The following PIH1D2 variants were observed in gnomAD, a reference collection of about 807,000 sequenced individuals.
The protein encoded by PIH1D2 is PIH1 domain-containing protein 2.
Under a neutral mutation model 31.2 loss-of-function variants are expected in PIH1D2, and 25 were observed. The observed-to-expected ratio is 0.80, with a 90% CI of 0.58 to 1.12. PIH1D2 has a LOEUF of 1.12. Among genes scored for constraint, PIH1D2 ranks in the 50% most tolerant of loss-of-function variants. The probability of loss-of-function intolerance (pLI) is 0.00; values close to 1 mark genes in which losing one functional copy is unlikely to be tolerated. For synonymous variants in PIH1D2, 116 were observed against 119.9 expected, an observed-to-expected ratio of 0.97 and a Z score of 0.21; for missense variants, 310 against 356.6, an observed-to-expected ratio of 0.87 and a Z score of 1.05.
At chr11:112,059,554 A>T (rs1290030261), downstream of PIH1D2, among the ~76,000 whole-genome samples, 54 of 151,984 alleles carry the variant, frequency 3.6e-4, no homozygotes, top group Admixed American at 3.5e-3. Context: ...CACCATGCCC[A>T]GCTAACTTTT....
chr11:112,064,364 T>C (rs1864824998), downstream of PIH1D2: 2 of 664,810 alleles, frequency 3.0e-6, no homozygotes, highest in Non-Finnish European at 4.7e-6. Flanking sequence ...CATATGATTA[T>C]TTAAAAATTA....
downstream of PIH1D2, chr11:112,061,101 A>C: frequency 6.2e-7 from 1 of 1,613,968 alleles, no homozygotes; most frequent in Non-Finnish European, 8.5e-7. Flanking sequence ...TGCTATTATT[A>C]ACCCACCTCA....
chr11:112,055,961 G>A, the PIH1D2 span, among the ~76,000 whole-genome samples: 1 of 136,786 alleles, frequency 7.3e-6, no homozygotes, highest in African/African-American at 2.7e-5. Context: ...TCCGCCTCCC[G>A]GGTTCAAGCG....
downstream of PIH1D2, among the ~76,000 whole-genome samples, chr11:112,064,613 G>C (rs1362603437): frequency 1.3e-5 from 2 of 152,160 alleles, no homozygotes; most frequent in East Asian, 3.9e-4. Flanking sequence ...TATCAAGATG[G>C]AAAGTGTGGT....
chr11:112,056,281 A>T, the PIH1D2 span, among the ~76,000 whole-genome samples: 1 of 152,154 alleles, frequency 6.6e-6, no homozygotes, highest in African/African-American at 2.4e-5. Context: ...AGTCTTTACC[A>T]CAATCTAATT....
downstream of PIH1D2, among the ~76,000 whole-genome samples, chr11:112,066,218 G>T (rs186735620): frequency 1.1e-4 from 16 of 152,232 alleles, no homozygotes; most frequent in Admixed American, 9.1e-4. Context: ...GTATAAATTG[G>T]ATAGTTGGTA....
chr11:112,071,385 A>G, intron 3 of PIH1D2, 102 bp from the exon 4 acceptor site: 1 of 1,418,968 alleles, frequency 7.0e-7, no homozygotes, highest in Non-Finnish European at 9.5e-7. Flanking sequence ...GCTAGAGAAT[A>G]TTCCTGTATT....
intron 5 of PIH1D2, among the ~76,000 whole-genome samples, chr11:112,068,457 G>A (rs782776091): frequency 2.6e-5 from 4 of 152,134 alleles, no homozygotes; most frequent in Non-Finnish European, 5.9e-5. Context: ...CAAGAAAGAT[G>A]AGCTTAGAAT....
At chr11:112,070,405 AC>A in intron 5 of PIH1D2, 30 bp downstream of exon 5, 1 of 1,600,076 alleles carries the variant, frequency 6.2e-7, no homozygotes, top group Non-Finnish European at 8.6e-7. Flanking sequence ...GCTGGCCAAT[AC>A]AAATTTACAG....
At chr11:112,066,882 G>T (rs587683290), downstream of PIH1D2, among the ~76,000 whole-genome samples, 1 of 152,172 alleles carries the variant, frequency 6.6e-6, no homozygotes, top group South Asian at 2.1e-4. Context: ...GGCCAACATG[G>T]TGAAACCCTT....
downstream of PIH1D2, chr11:112,061,090 C>T (rs782055677): frequency 5.0e-6 from 8 of 1,613,478 alleles, no homozygotes; most frequent in South Asian, 8.8e-5. Flanking sequence ...AAGAATTTCT[C>T]TGCTATTATT....
chr11:112,057,530 T>C, the PIH1D2 span, among the ~76,000 whole-genome samples: 1 of 152,252 alleles, frequency 6.6e-6, no homozygotes, highest in Non-Finnish European at 1.5e-5. Context: ...TTGTTGCTGA[T>C]ACGGAGAAAG....
intron 2 of PIH1D2, 114 bp downstream of exon 2, chr11:112,072,884 C>CAAAAAA: frequency 5.4e-6 from 5 of 926,846 alleles, no homozygotes; most frequent in Non-Finnish European, 7.2e-6. Flanking sequence ...CAAAACAAAA[C>CAAAAAA]AAAACAAAAA....
intron 3 of PIH1D2, 66 bp from the exon 4 acceptor site, chr11:112,071,349 A>G (rs1865104100): frequency 2.0e-6 from 3 of 1,499,582 alleles, no homozygotes; most frequent in Non-Finnish European, 2.7e-6. Flanking sequence ...CTGTCAGGCA[A>G]TATATTAAAC....
chr11:112,062,791 G>T, downstream of PIH1D2: 1 of 437,082 alleles, frequency 2.3e-6, no homozygotes, highest in African/African-American at 2.0e-5. Context: ...ATGTGGCCTT[G>T]CCTAGCCCTT....
downstream of PIH1D2, chr11:112,067,788 C>G (rs891578997): frequency 3.4e-6 from 5 of 1,491,728 alleles, no homozygotes; most frequent in African/African-American, 7.6e-5. Context: ...TTAAGATAAA[C>G]TACTACCTCT....
downstream of PIH1D2, among the ~76,000 whole-genome samples, chr11:112,060,219 T>C (rs906095798): frequency 3.3e-5 from 5 of 149,406 alleles, no homozygotes; most frequent in Admixed American, 3.4e-4. Context: ...TGGAGTGCAG[T>C]GGCATGATCT....
intron 2 of PIH1D2, among the ~76,000 whole-genome samples, chr11:112,072,245 G>A (rs1865142154): frequency 6.6e-6 from 1 of 152,064 alleles, no homozygotes; most frequent in African/African-American, 2.4e-5. Context: ...AAGGCTGCTG[G>A]CTTTTAATTA....
At chr11:112,060,208 C>A (rs1246751883), downstream of PIH1D2, 3 of 708,360 alleles carry the variant, frequency 4.2e-6, no homozygotes, top group Non-Finnish European at 6.6e-6. Context: ...GTCACCCAGG[C>A]TGGAGTGCAG....
Sources: gnomAD v4.1 joint callset for allele counts (sites outside exome capture counted in the v4.1 genomes callset) on GRCh38, gnomAD v4.1.1 for gene constraint, MANE v1.5 for transcripts, NCBI Gene and HGNC (gene_info 2026-07-23, HGNC 2026-07-21) for gene names.